The following RBCK1 variants were observed in gnomAD, a reference collection of about 807,000 sequenced individuals.
RBCK1 encodes RANBP2-type and C3HC4-type zinc finger containing 1, also known as ranBP-type and C3HC4-type zinc finger-containing protein 1.
A neutral mutation model predicts 71.1 loss-of-function variants in RBCK1; 44 were observed. The observed-to-expected ratio is 0.62, with a 90% CI of 0.49 to 0.80. The LOEUF (loss-of-function observed/expected upper bound fraction) is 0.80. RBCK1 is among the 30% of genes least tolerant of loss of function. The probability of loss-of-function intolerance (pLI) is 0.00; values close to 1 mark genes in which losing one functional copy is unlikely to be tolerated. For synonymous variants in RBCK1, 306 were observed against 279.7 expected, an observed-to-expected ratio of 1.09 and a Z score of -0.94; for missense variants, 569 against 685.0, an observed-to-expected ratio of 0.83 and a Z score of 1.89.
chr20:426,466 T>G (rs532442476), intron 8 of RBCK1, among the ~76,000 whole-genome samples: 4 of 152,366 alleles, frequency 2.6e-5, no homozygotes, highest in Admixed American at 2.6e-4. Context: ...TGTTTGTCTG[T>G]GCCTGGCTTA....
At chr20:416,608 G>A (rs764573450) in intron 2 of RBCK1, among the ~76,000 whole-genome samples, 17 of 152,134 alleles carry the variant, frequency 1.1e-4, no homozygotes, top group Non-Finnish European at 2.5e-4. Flanking sequence ...GGTCGGTTCT[G>A]TTTTTTCATC....
At chr20:426,467 G>A (rs1389313419) in intron 8 of RBCK1, among the ~76,000 whole-genome samples, 7 of 152,266 alleles carry the variant, frequency 4.6e-5, no homozygotes, top group African/African-American at 1.7e-4. Context: ...GTTTGTCTGT[G>A]CCTGGCTTAT....
At position 430,681 on chromosome 20, in the gene RBCK1, C is replaced by T; in HGVS notation, c.*251C>T. The T allele has an allele frequency of 1.8e-6, 1 of 547,104 alleles. No individual in the cohort carries two copies. The allele number at this position is 547,104 out of a possible 1,614,324, so 33.9% of individuals were successfully genotyped here. Reference sequence around the variant, plus strand: ...CTTAAACATAGCCCCTGGCCAGAGGCCTTGCTGGGTGGAGCCTCTGTGTGA... The same window carrying T: ...CTTAAACATAGCCCCTGGCCAGAGGTCTTGCTGGGTGGAGCCTCTGTGTGA... On this transcript the variant is annotated 3_prime_UTR_variant, in exon 12 of 12. Coordinates refer to ENST00000356286, the MANE Select transcript of RBCK1 (RefSeq NM_031229.4). This position sits in a 1 kb window ranked among gnomAD's most constrained non-coding sequence, Gnocchi z 5.6.
chr20:427,135 G>A (rs1183525978), intron 8 of RBCK1, among the ~76,000 whole-genome samples, 178 bp from the exon 9 acceptor site: 1 of 152,038 alleles, frequency 6.6e-6, no homozygotes, highest in Admixed American at 6.6e-5. Flanking sequence ...CACCACACCT[G>A]GCCTAAAATC....
At position 420,947 on chromosome 20, in the gene RBCK1, A is replaced by G; in HGVS notation, c.833A>G (p.Glu278Gly). 1 of 1,555,290 alleles carries G rather than the reference A, an allele frequency of 6.4e-7. No individual in the cohort carries two copies. Among genetic ancestry groups the G allele is most frequent in the Non-Finnish European group, 8.7e-7 (1 of 1,151,068 alleles). The change falls in exon 7 of 12, where the codon GAG becomes GGG. Residue 278 changes from glutamate to glycine, a missense_variant. Glu to Gly is a moderately conservative substitution (Grantham distance 98). This residue lies in a region of RBCK1 where 358 missense variants were observed against 375.6 expected (regional missense o/e 0.95). Coordinates refer to ENST00000356286, the MANE Select transcript of RBCK1 (RefSeq NM_031229.4). ...CAGAGGAGCCTGGTGCTGAACACGG[A>G]GCCCGCCGAGTGCCCCGTGTGCTAC... ...LDQRSLVLNT[E>G]PAECPVCYSV... is the part of the protein sequence containing the mutation.
intron 8 of RBCK1, among the ~76,000 whole-genome samples, chr20:423,148 A>G (rs140934287): frequency 6.6e-6 from 1 of 152,120 alleles, no homozygotes; most frequent in Non-Finnish European, 1.5e-5. Context: ...AAAAATAGAA[A>G]ATTAGCCGGG....
At chr20:409,258 G>A (rs529839562) in intron 1 of RBCK1, among the ~76,000 whole-genome samples, 2 of 152,312 alleles carry the variant, frequency 1.3e-5, no homozygotes, top group East Asian at 3.9e-4. Context: ...CTCTACTGGA[G>A]CCCCACTGGC....
At chr20:419,243 A>T in intron 4 of RBCK1, 104 bp from the exon 5 acceptor site, 1 of 1,470,588 alleles carries the variant, frequency 6.8e-7, no homozygotes, top group Non-Finnish European at 9.2e-7. Flanking sequence ...GAGGAGGGAG[A>T]GGATAGGGGG....
chr20:419,224 A>AC, intron 4 of RBCK1, 123 bp from the exon 5 acceptor site: 4 of 1,326,004 alleles, frequency 3.0e-6, no homozygotes, highest in Non-Finnish European at 4.1e-6. Context: ...AGCTGGAGGT[A>AC]CCCCCAGGGA....
chr20:417,945 T>C lies in RBCK1; in HGVS notation c.460+15T>C, dbSNP rs769517890. The C allele has an allele frequency of 2.5e-6, 4 of 1,599,386 alleles. No homozygotes were observed. Among genetic ancestry groups the C allele is most frequent in the Non-Finnish European group, 3.4e-6 (4 of 1,178,256 alleles). On this transcript the variant is annotated intron_variant, in intron 4 of 11. Transcript: ENST00000356286. The surrounding 1 kb of genome is among the most constrained non-coding windows in gnomAD (Gnocchi z 4.7). ...GATGCTGGAAGGTGAGGCTCTGCCC[T>C]GAGCACCGCCGGACCCAGCGGGGGC...
At chr20:426,844 T>A (rs1430095331) in intron 8 of RBCK1, among the ~76,000 whole-genome samples, 6 of 134,566 alleles carry the variant, frequency 4.5e-5, no homozygotes, top group Admixed American at 2.9e-4. Flanking sequence ...TTTTTTTTTT[T>A]AGCTAGGATT....
rs530577178 is a variant in RBCK1, at chr20:413,159, C to T, written c.167+3134C>T. 8.3e-4 allele frequency among the ~76,000 whole-genome samples: 127 copies of T among 152,170 alleles called. 1 individual carries two copies. Among genetic ancestry groups the T allele is most frequent in the Non-Finnish European group, 1.5e-3 (103 of 68,040 alleles). ...GAACTATAATATATATCTGCCCTTA[C>T]GCCAGTACCACACTAATTACTATAG... is the stretch of plus-strand genomic sequence containing the variant. On this transcript the variant is annotated intron_variant, in intron 2 of 11. Coordinates refer to ENST00000356286, the MANE Select transcript of RBCK1 (RefSeq NM_031229.4).
At position 410,593 on chromosome 20, in the gene RBCK1, G is replaced by A. The variant is rs776039775; in HGVS notation, c.167+568G>A. On this transcript the variant is annotated intron_variant, in intron 2 of 11. Transcript: ENST00000356286. ...ACAGCTACAGTTCAGCTTGAGGGGA[G>A]ACTGTATAGCCAAGATATTCAGCTA... 5 of 778,860 alleles carry A rather than the reference G, an allele frequency of 6.4e-6. No individual in the cohort carries two copies. In the African/African-American group the frequency reaches 6.8e-5, roughly 11 times the overall value. The allele number at this position is 778,860 out of a possible 1,614,324, so 48.2% of individuals were successfully genotyped here.
rs751274254 is a variant in RBCK1, at chr20:419,731, G to A, written c.756G>A (p.Gln252=). 5 of 1,553,566 alleles carry A rather than the reference G, an allele frequency of 3.2e-6. No individual in the cohort carries two copies. The highest frequency in any genetic ancestry group is 4.3e-6 in the Non-Finnish European group (5 of 1,153,198). ...GEEEALRQYQ[Q]RKQQQQEGNY... ...AGGAGGCGCTGCGTCAGTACCAGCA[G>A]GTGGGCGGGAAAGTCCCTGGACAGA... The change falls in exon 6 of 12, where the codon CAG becomes CAA. Residue 252 remains glutamine, a splice_region_variant and synonymous_variant. Transcript: ENST00000356286.
chr20:409,762 T>G (rs187146835), intron 1 of RBCK1, 119 bp from the exon 2 acceptor site: 5 of 1,452,662 alleles, frequency 3.4e-6, no homozygotes, highest in East Asian at 4.7e-5. Context: ...TACGTAGGAG[T>G]TCACCAGGAA....
At position 417,327 on chromosome 20, in the gene RBCK1, T is replaced by C. The variant is rs533742759; in HGVS notation, c.168-199T>C. 6.9e-6 allele frequency: 5 copies of C among 728,200 alleles called. No homozygotes were observed. In the South Asian group the frequency reaches 7.1e-5, roughly 10 times the overall value. 45.1% of individuals were successfully genotyped at this position (728,200 alleles called of 1,614,324 possible). The stretch of plus-strand genomic sequence containing the variant: ...GATTCTAAGAGTAGCGTGGAGCCAT[T>C]GGAGGGGCCTAACTGGTGGGTTCTA... On this transcript the variant is annotated intron_variant, in intron 2 of 11. Transcript: ENST00000356286. This position sits in a 1 kb window ranked among gnomAD's most constrained non-coding sequence, Gnocchi z 4.7.
chr20:416,754 C>T (rs1439277996), intron 2 of RBCK1, among the ~76,000 whole-genome samples: 4 of 152,100 alleles, frequency 2.6e-5, no homozygotes, highest in Admixed American at 6.6e-5. Flanking sequence ...AATCCCACTT[C>T]GGGAGGCCAA....
At position 431,174 on chromosome 20, in the gene RBCK1, A is replaced by G. The variant is rs1193908673; in HGVS notation, c.*744A>G. ...TCAGGGGCAAGGATGCTCTTGGGTCACCGTCAGCCAGGACAGGTGGAGTGT... is the reference window on the plus strand; with the variant it reads ...TCAGGGGCAAGGATGCTCTTGGGTCGCCGTCAGCCAGGACAGGTGGAGTGT... On this transcript the variant is annotated 3_prime_UTR_variant, in exon 12 of 12. Coordinates refer to ENST00000356286, the MANE Select transcript of RBCK1 (RefSeq NM_031229.4). The surrounding 1 kb of genome is among the most constrained non-coding windows in gnomAD (Gnocchi z 4.8). Among the ~76,000 whole-genome samples, 1 of 152,158 alleles carries G rather than the reference A, an allele frequency of 6.6e-6. No homozygotes were observed. The highest frequency in any genetic ancestry group is 6.5e-5 in the Admixed American group (1 of 15,274).
chr20:423,760 A>C (rs901060549), intron 8 of RBCK1, among the ~76,000 whole-genome samples: 26 of 152,120 alleles, frequency 1.7e-4, no homozygotes, highest in African/African-American at 5.3e-4. Flanking sequence ...GGCTGGACTT[A>C]CCTGGATGGT....
Sources: allele counts gnomAD v4.1 joint callset (sites outside exome capture counted in the v4.1 genomes callset), GRCh38; gene constraint gnomAD v4.1.1; regional missense constraint gnomAD v4.1.1; non-coding constraint Gnocchi (gnomAD v3.1); transcripts MANE v1.5; gene names NCBI Gene and HGNC (gene_info 2026-07-23, HGNC 2026-07-21).